TMC6: variants seen among roughly 807,000 people sequenced by gnomAD.
TMC6 encodes transmembrane channel like 6.
A neutral mutation model predicts 95.4 loss-of-function variants in TMC6; 71 were observed. The ratio of observed to expected loss-of-function variants is 0.74; its 90% confidence interval spans 0.61 to 0.91. The LOEUF (loss-of-function observed/expected upper bound fraction) is 0.91. Ranked by LOEUF, TMC6 falls within the 40% of genes least tolerant of loss-of-function variation. The pLI is 0.00. For synonymous variants in TMC6, 514 were observed against 483.1 expected (o/e 1.06, Z -0.84); for missense variants, 1,074 against 1,079.1 (o/e 1.00, Z 0.07).
chr17:78,114,620 A>C (rs191493527), intron 18 of TMC6, among the ~76,000 whole-genome samples: 1 of 147,850 alleles, frequency 6.8e-6, no homozygotes, highest in East Asian at 2.1e-4. Context: ...CACACAGAGA[A>C]CAGGAGTTCT....
In TMC6 at chr17:78,126,309, C is replaced by T. The variant is rs1285558240; in HGVS notation, c.239G>A (p.Arg80His). 6.4e-6 allele frequency: 10 copies of T among 1,567,312 alleles called. No homozygotes were observed. Among genetic ancestry groups the T allele is most frequent in the Admixed American group, 1.8e-5 (1 of 54,218 alleles). The stretch of plus-strand genomic sequence containing the variant: ...GCGGCTGGGCATGCTGGCCAGGATG[C>T]GGAGTGTGGCCGTGCTCTGGGTGCC... ...PEGTQSTATL[R>H]ILASMPSRTI... Residue 80 changes from arginine to histidine, a missense_variant, in exon 4 of 20, where the codon CGC becomes CAC. Coordinates refer to ENST00000590602, the MANE Select transcript of TMC6 (RefSeq NM_001127198.5).
chr17:78,124,459 G>T, intron 8 of TMC6, 65 bp downstream of exon 8: 1 of 1,595,582 alleles, frequency 6.3e-7, no homozygotes. Context: ...GGACAAGAAG[G>T]GAACACGGTA....
chr17:78,120,810 T>A lies in TMC6; in HGVS notation c.1558A>T (p.Ile520Phe). 1 of 1,612,702 alleles carries A rather than the reference T, an allele frequency of 6.2e-7. No homozygotes were observed. Among genetic ancestry groups the A allele is most frequent in the South Asian group, 1.1e-5 (1 of 91,074 alleles). ...ICRNLILKLA[I>F]LGTLCYHWLG... ...CAGTGGTAGCACAGTGTCCCCAGGATGGCCAGCTTGAGGATGAGGTTCCTG... is the reference window on the plus strand; with the variant it reads ...CAGTGGTAGCACAGTGTCCCCAGGAAGGCCAGCTTGAGGATGAGGTTCCTG... Residue 520 changes from isoleucine to phenylalanine, a missense_variant, in exon 13 of 20, where the codon ATC (isoleucine) becomes TTC (phenylalanine). Ile to Phe is a conservative substitution (Grantham distance 21). Coordinates refer to ENST00000590602, the MANE Select transcript of TMC6 (RefSeq NM_001127198.5).
chr17:78,120,597 G>C lies in TMC6; in HGVS notation c.1715+56C>G, dbSNP rs202229397. 15 of 1,522,716 alleles carry C rather than the reference G, an allele frequency of 9.9e-6. No individual in the cohort carries two copies. Among genetic ancestry groups the C allele is most frequent in the East Asian group, 8.5e-5 (3 of 35,296 alleles). 94.3% of individuals were successfully genotyped at this position (1,522,716 alleles called of 1,614,324 possible). A position where few individuals can be genotyped will look rare whatever the true frequency, so the allele number is the denominator to read the frequency against. On this transcript the variant is annotated intron_variant, in intron 13 of 19. Coordinates refer to ENST00000590602, the MANE Select transcript of TMC6 (RefSeq NM_001127198.5). ...AGGCCTGAGAACCTCCCGGCCACAC[G>C]TCCCGGCCACTAAGGGGAGAACACT...
rs2073837217 is a variant in TMC6 at position 78,112,010 on chromosome 17, G to A, written c.*1138C>T. On this transcript the variant is annotated 3_prime_UTR_variant, in exon 20 of 20. Coordinates refer to ENST00000590602, the MANE Select transcript of TMC6 (RefSeq NM_001127198.5). ...CCGCAGGCCTGGAGCACAGGCTGAC[G>A]GGCTGGTCCCCACAGACCTGGAGCA... The A allele has an allele frequency of 2.6e-5, 6 of 229,262 alleles. No homozygotes were observed. Among genetic ancestry groups the A allele is most frequent in the Non-Finnish European group, 3.6e-5 (4 of 111,402 alleles). The allele number at this position is 229,262 out of a possible 1,614,324, so 14.2% of individuals were successfully genotyped here.
rs1426207091 is a variant in TMC6 at position 78,124,619 on chromosome 17, G to A, written c.796C>T (p.Leu266=). ...LAFNALLLLL[L]VAFIMGPQVA... ...TGAGGGCCCATGATGAAGGCCACCA[G>A]CAGCAGCAGCAGGAGGGCATTGAAA... Residue 266 remains leucine, a synonymous_variant, in exon 8 of 20, where the codon CTG becomes TTG. Transcript: ENST00000590602. The A allele has an allele frequency of 6.2e-7, 1 of 1,607,476 alleles. No homozygotes were observed. The highest frequency in any genetic ancestry group is 1.3e-5 in the African/African-American group (1 of 74,954).
At position 78,125,113 on chromosome 17, in the gene TMC6, TG is replaced by T. The variant is rs756887207; in HGVS notation, c.536+44del. 56 of 1,548,620 alleles carry T rather than the reference TG, an allele frequency of 3.6e-5. No individual in the cohort carries two copies. The African/African-American group carries it at 7.1e-4, about 20-fold the overall frequency. ...CCTAGCCCAGCTGAGGAAGTGGGTC[TG>T]GGGGCGCAGCAGCGGCGGCATGGTC... On this transcript the variant is annotated intron_variant, in intron 6 of 19. Transcript: ENST00000590602.
upstream of TMC6, chr17:78,131,208 C>T (rs1438761431): frequency 8.2e-6 from 3 of 365,666 alleles, no homozygotes; most frequent in East Asian, 2.2e-4. Context: ...CGGGGTGCAG[C>T]AGGTCTTGGC....
At chr17:78,132,350 C>A, upstream of TMC6, 1 of 1,612,694 alleles carries the variant, frequency 6.2e-7, no homozygotes, top group Non-Finnish European at 8.5e-7. Context: ...CCCTGCTCTC[C>A]CACTGCAGGC....
chr17:78,117,633 G>T lies in TMC6; in HGVS notation c.2033C>A (p.Ser678Ter), dbSNP rs749657465. 2 of 1,571,554 alleles carry T rather than the reference G, an allele frequency of 1.3e-6. No individual in the cohort carries two copies. Among genetic ancestry groups the T allele is most frequent in the Non-Finnish European group, 1.7e-6 (2 of 1,159,366 alleles). The change falls in exon 17 of 20, where the codon TCG becomes TAG. Residue 678 changes from serine (S) to a stop codon, truncating the protein, a stop_gained. Transcript: ENST00000590602. LOFTEE classifies it high-confidence loss of function. Reference sequence around the variant, plus strand: ...GGTCCGGAAGGGGCCGCAGGTGCTCGAGGGCTTCACCCTGGGGAAGATGCC... The same window carrying T: ...GGTCCGGAAGGGGCCGCAGGTGCTCTAGGGCTTCACCCTGGGGAAGATGCC... ...LCYAVWQVKP[S>*]STCGPFRTLD...
At position 78,125,208 on chromosome 17, in the gene TMC6, G is replaced by A. The variant is rs2145370761; in HGVS notation, c.486C>T (p.Asp162=). The change falls in exon 6 of 20, where the codon GAC becomes GAT. Residue 162 remains aspartate, a synonymous_variant. Coordinates refer to ENST00000590602, the MANE Select transcript of TMC6 (RefSeq NM_001127198.5). The part of the protein sequence containing the change: ...ELQSLAVAQR[D]HMLRGMPLSL... ...TTAAGGGCATCCCGCGAAGCATGTG[G>A]TCCCGCTGTGCCACTGCCAGGCTCT... 1.3e-6 allele frequency: 2 copies of A among 1,589,988 alleles called. No individual in the cohort carries two copies. The highest frequency in any genetic ancestry group is 1.7e-6 in the Non-Finnish European group (2 of 1,167,934).
chr17:78,127,571 G>A (rs1361748043), intron 1 of TMC6, among the ~76,000 whole-genome samples: 1 of 152,226 alleles, frequency 6.6e-6, no homozygotes, highest in Non-Finnish European at 1.5e-5. Context: ...CCGTCACCCG[G>A]CACAACTGGA....
chr17:78,113,362 G>C, intron 19 of TMC6, 151 bp from the exon 20 acceptor site: 6 of 1,228,576 alleles, frequency 4.9e-6, no homozygotes, highest in Non-Finnish European at 6.9e-6. Flanking sequence ...AAATGGCCAG[G>C]CTCCGGAGGC....
intron 4 of TMC6, 108 bp from the exon 5 acceptor site, chr17:78,125,992 G>A (rs1197333848): frequency 6.8e-7 from 1 of 1,471,090 alleles, no homozygotes. Context: ...CAGGACCCAG[G>A]AAAATCCTTT....
chr17:78,118,487 C>T (rs912280271), intron 15 of TMC6, among the ~76,000 whole-genome samples: 3 of 152,096 alleles, frequency 2.0e-5, no homozygotes, highest in Non-Finnish European at 2.9e-5. Flanking sequence ...ACCTGGGAGG[C>T]GGAGCTTGCA....
Position 78,120,597 on chromosome 17 carries a change from GTCCCGGCCACT to G in TMC6, c.1715+45_1715+55del, listed in dbSNP as rs1359697494. 1.2e-5 allele frequency: 19 copies of G among 1,522,716 alleles called. No homozygotes were observed. The African/African-American group carries it at 1.7e-4, about 14-fold the overall frequency. 94.3% of individuals were successfully genotyped at this position (1,522,716 alleles called of 1,614,324 possible). On this transcript the variant is annotated intron_variant, in intron 13 of 19. Coordinates refer to ENST00000590602, the MANE Select transcript of TMC6 (RefSeq NM_001127198.5). ...AGGCCTGAGAACCTCCCGGCCACAC[GTCCCGGCCACT>G]AAGGGGAGAACACTCACCACCCAGT...
chr17:78,118,108 T>G lies in TMC6; in HGVS notation c.1888-173A>C. 5 of 1,208,670 alleles carry G rather than the reference T, an allele frequency of 4.1e-6. No homozygotes were observed. The South Asian group carries it at 4.4e-5, about 11-fold the overall frequency. The allele number at this position is 1,208,670 out of a possible 1,614,324, so 74.9% of individuals were successfully genotyped here. A position where few individuals can be genotyped will look rare whatever the true frequency, so the allele number is the denominator to read the frequency against. ...GGAAGACAGAAGCCTGCCGGTCACT[T>G]GCACGCAAACGGGTGATGCCAACAG... is the stretch of plus-strand genomic sequence containing the variant. On this transcript the variant is annotated intron_variant, in intron 15 of 19. Transcript: ENST00000590602.
chr17:78,120,348 C>T lies in TMC6; in HGVS notation c.1715+305G>A, dbSNP rs140896084. 1,566 of 459,744 alleles carry T rather than the reference C, an allele frequency of 3.4e-3. 20 individuals are homozygous for T. Among genetic ancestry groups the T allele is most frequent in the African/African-American group, 0.028 (1,410 of 50,308 alleles). 28.5% of individuals were successfully genotyped at this position (459,744 alleles called of 1,614,324 possible). On this transcript the variant is annotated intron_variant, in intron 13 of 19. Coordinates refer to ENST00000590602, the MANE Select transcript of TMC6 (RefSeq NM_001127198.5). ...CTAATTTTTGTATTTTTAGTAGAGA[C>T]GGGGTTTTGCCATGCTGGCCAGGCT...
In TMC6 at chr17:78,122,440, C is replaced by A; in HGVS notation, c.1227+165G>T. On this transcript the variant is annotated intron_variant, in intron 10 of 19. Transcript: ENST00000590602. This position sits in a 1 kb window ranked among gnomAD's most constrained non-coding sequence, Gnocchi z 4.9. The stretch of plus-strand genomic sequence containing the variant: ...GCCAGAGAAAAACTCAGGGCCTGCC[C>A]GTCACTGCAAGCAGAAGACCACGCC... The A allele has an allele frequency of 8.9e-6, 9 of 1,016,534 alleles. No individual in the cohort carries two copies. Among genetic ancestry groups the A allele is most frequent in the South Asian group, 1.6e-5 (1 of 61,186 alleles). The allele number at this position is 1,016,534 out of a possible 1,614,324, so 63.0% of individuals were successfully genotyped here.
Sources: gnomAD v4.1 joint callset for allele counts (sites outside exome capture counted in the v4.1 genomes callset) on GRCh38, gnomAD v4.1.1 for gene constraint, Gnocchi (gnomAD v3.1) non-coding constraint, MANE v1.5 for transcripts, NCBI Gene and HGNC (gene_info 2026-07-23, HGNC 2026-07-21) for gene names.